The following ARID4B variants were observed in gnomAD, a reference collection of about 807,000 sequenced individuals.
ARID4B encodes AT-rich interaction domain 4B.
ARID4B carries 26 observed loss-of-function variants against 147.5 expected under a neutral mutation model. That is an observed-to-expected ratio of 0.18 (90% CI 0.13 to 0.24). ARID4B has a LOEUF of 0.24. ARID4B is among the 10% of genes least tolerant of loss of function. The probability of loss-of-function intolerance (pLI) is 1.00; values close to 1 mark genes in which losing one functional copy is unlikely to be tolerated. For synonymous variants in ARID4B, 512 were observed against 507.9 expected (o/e 1.01, Z -0.11); for missense variants, 1,179 against 1,511.5 (o/e 0.78, Z 3.65).
At position 235,177,803 on chromosome 1, in the gene ARID4B, CT is replaced by C; in HGVS notation, c.3444del (p.Gly1149AlafsTer16). 1 of 1,598,600 alleles carries C rather than the reference CT, an allele frequency of 6.3e-7. No homozygotes were observed. ...ATVVNNKKKG[K>X]GTNSSDSEEL... ...AAATTAGAGATTTCACACTTACTGCCTTTTCCCTTCTTTTTGTTGTTTACCA... is the reference window on the plus strand; with the variant it reads ...AAATTAGAGATTTCACACTTACTGCCTTTCCCTTCTTTTTGTTGTTTACCA... On this transcript the variant is annotated frameshift_variant, in exon 21 of 24. Coordinates refer to ENST00000264183, the MANE Select transcript of ARID4B (RefSeq NM_016374.6). LOFTEE classifies it high-confidence loss of function.
chr1:235,172,784 A>G lies in ARID4B; in HGVS notation c.3665-20T>C. On this transcript the variant is annotated intron_variant, in intron 22 of 23. Coordinates refer to ENST00000264183, the MANE Select transcript of ARID4B (RefSeq NM_016374.6). Reference sequence around the variant, plus strand: ...GGTCCGCTATAAATTTAAAGCTTTCATTAACAGACATTTTTAAAGAAAATT... The same window carrying G: ...GGTCCGCTATAAATTTAAAGCTTTCGTTAACAGACATTTTTAAAGAAAATT... 6.6e-7 allele frequency: 1 copy of G among 1,511,286 alleles called. No individual in the cohort carries two copies. The highest frequency in any genetic ancestry group is 8.8e-7 in the Non-Finnish European group (1 of 1,134,000). The allele number at this position is 1,511,286 out of a possible 1,614,324, so 93.6% of individuals were successfully genotyped here. A position where few individuals can be genotyped will look rare whatever the true frequency, so the allele number is the denominator to read the frequency against.
At chr1:235,171,530 G>C (rs943782918) in intron 23 of ARID4B, among the ~76,000 whole-genome samples, 6 of 152,144 alleles carry the variant, frequency 3.9e-5, no homozygotes, top group Admixed American at 3.9e-4. Context: ...TTTAGGAACC[G>C]ACTTTTAATG....
At chr1:235,194,931 C>A (rs1665393120) in intron 18 of ARID4B, among the ~76,000 whole-genome samples, 1 of 152,128 alleles carries the variant, frequency 6.6e-6, no homozygotes, top group African/African-American at 2.4e-5. Context: ...AAGTCAGGGG[C>A]AACCTTCCTA....
chr1:235,254,639 CAGG>C (rs1485742536), intron 5 of ARID4B, among the ~76,000 whole-genome samples: 1 of 151,596 alleles, frequency 6.6e-6, no homozygotes, highest in Non-Finnish European at 1.5e-5. Context: ...AATAAAGCAA[CAGG>C]AGAAATATAT....
At chr1:235,207,672 G>A (rs918101439) in intron 17 of ARID4B, among the ~76,000 whole-genome samples, 3 of 152,118 alleles carry the variant, frequency 2.0e-5, no homozygotes, top group African/African-American at 7.2e-5. Flanking sequence ...GACAAGCACA[G>A]TATTTGGCAC....
intron 23 of ARID4B, among the ~76,000 whole-genome samples, chr1:235,168,965 G>T (rs1273841583): frequency 6.6e-6 from 1 of 152,160 alleles, no homozygotes; most frequent in Non-Finnish European, 1.5e-5. Context: ...TACACTTTTT[G>T]TAACAGTGAA....
At chr1:235,204,264 G>A (rs1238734982) in intron 17 of ARID4B, among the ~76,000 whole-genome samples, 1 of 152,310 alleles carries the variant, frequency 6.6e-6, no homozygotes, top group Middle Eastern at 3.4e-3. Flanking sequence ...GGAGGTTGCA[G>A]TGAGCCAAGA....
intron 2 of ARID4B, among the ~76,000 whole-genome samples, chr1:235,295,368 G>C (rs1034083694): frequency 2.0e-5 from 3 of 152,106 alleles, no homozygotes. Context: ...AAATTAGCCA[G>C]GCATGGTGGC....
At chr1:235,169,483 C>T (rs529072737) in intron 23 of ARID4B, among the ~76,000 whole-genome samples, 3 of 151,348 alleles carry the variant, frequency 2.0e-5, no homozygotes, top group South Asian at 4.2e-4. Context: ...CCTCATGATC[C>T]GCCCATCTCA....
chr1:235,300,326 A>C (rs1046500014), intron 2 of ARID4B, among the ~76,000 whole-genome samples: 2 of 152,166 alleles, frequency 1.3e-5, no homozygotes, highest in African/African-American at 2.4e-5. Flanking sequence ...CTGAGGCACA[A>C]GAATCACTTG....
At chr1:235,224,883 G>A (rs1667724328) in intron 11 of ARID4B, 108 bp from the exon 12 acceptor site, 1 of 711,176 alleles carries the variant, frequency 1.4e-6, no homozygotes, top group Non-Finnish European at 2.4e-6. Context: ...ATACTTCAAA[G>A]GCTTTTTACG....
chr1:235,255,247 A>C (rs1669885936), intron 5 of ARID4B, among the ~76,000 whole-genome samples: 1 of 106,114 alleles, frequency 9.4e-6, no homozygotes, highest in Admixed American at 1.1e-4. Flanking sequence ...AGATAGATAG[A>C]TAGATAGATA....
intron 16 of ARID4B, among the ~76,000 whole-genome samples, chr1:235,216,533 G>A (rs1486452528): frequency 6.6e-6 from 1 of 151,950 alleles, no homozygotes; most frequent in African/African-American, 2.4e-5. Flanking sequence ...AGTAGAGATG[G>A]GGTTTCACCA....
At chr1:235,240,807 A>G (rs1056178346) in intron 7 of ARID4B, among the ~76,000 whole-genome samples, 2 of 152,166 alleles carry the variant, frequency 1.3e-5, no homozygotes, top group Non-Finnish European at 2.9e-5. Flanking sequence ...AAATTAAAGG[A>G]ATTCTGGAGA....
At chr1:235,169,807 A>G (rs188663642) in intron 23 of ARID4B, among the ~76,000 whole-genome samples, 2 of 151,788 alleles carry the variant, frequency 1.3e-5, no homozygotes, top group African/African-American at 4.8e-5. Flanking sequence ...GATTACAGGC[A>G]TGCGCCACCA....
intron 13 of ARID4B, among the ~76,000 whole-genome samples, chr1:235,222,718 C>T (rs899438843): frequency 3.5e-5 from 5 of 144,158 alleles, no homozygotes; most frequent in Non-Finnish European, 7.5e-5. Context: ...CATTCTGTCA[C>T]GCAGGCTGGA....
At chr1:235,224,646 A>C in intron 12 of ARID4B, 57 bp downstream of exon 12, 1 of 1,176,814 alleles carries the variant, frequency 8.5e-7, no homozygotes, top group Non-Finnish European at 1.2e-6. Flanking sequence ...CTTATTTTTA[A>C]GATACTAATT....
chr1:235,212,172 G>A (rs776013596), intron 17 of ARID4B, among the ~76,000 whole-genome samples: 11 of 152,120 alleles, frequency 7.2e-5, no homozygotes, highest in Non-Finnish European at 1.5e-4. Flanking sequence ...TTGAGCCTGG[G>A]AGGTGGAAGT....
At chr1:235,188,484 T>C (rs1394357688) in intron 19 of ARID4B, among the ~76,000 whole-genome samples, 2 of 152,124 alleles carry the variant, frequency 1.3e-5, no homozygotes, top group Non-Finnish European at 2.9e-5. Flanking sequence ...TCACTTCAGG[T>C]TGGAAGGTGA....
Sources: gnomAD v4.1 joint callset for allele counts (sites outside exome capture counted in the v4.1 genomes callset) on GRCh38, gnomAD v4.1.1 for gene constraint, MANE v1.5 for transcripts, NCBI Gene and HGNC (gene_info 2026-07-23, HGNC 2026-07-21) for gene names.